The following CAP1 variants were observed in gnomAD, a reference collection of about 807,000 sequenced individuals.
CAP1 encodes cyclase associated actin cytoskeleton regulatory protein 1, also known as adenylyl cyclase-associated protein 1.
CAP1 carries 11 observed loss-of-function variants against 58.2 expected under a neutral mutation model. That is an observed-to-expected ratio of 0.19 (90% CI 0.12 to 0.31). CAP1 has a LOEUF of 0.31. Ranked by LOEUF, CAP1 falls within the 10% of genes least tolerant of loss-of-function variation. The probability of loss-of-function intolerance (pLI) is 1.00; values close to 1 mark genes in which losing one functional copy is unlikely to be tolerated. For synonymous variants in CAP1, 183 were observed against 213.8 expected (o/e 0.86, Z 1.26); for missense variants, 423 against 587.5 (o/e 0.72, Z 2.89).
At chr1:40,067,309 CA>C (rs1368658855) in intron 7 of CAP1, 1 of 441,548 alleles carries the variant, frequency 2.3e-6, no homozygotes, top group Non-Finnish European at 4.0e-6. Flanking sequence ...GAGCTGGAAT[CA>C]GGTGAGTTCA....
In CAP1 at chr1:40,070,446, T is replaced by C; in HGVS notation, c.1134T>C (p.Leu378=). Residue 378 remains leucine, a synonymous_variant, in exon 11 of 13, where the codon CTT becomes CTC. Transcript: ENST00000372805. Reference sequence around the variant, plus strand: ...TTCTCCTAGATAACTGTAAGAAACTTGGCCTGGTATTCGATGACGTGGTGG... The same window carrying C: ...TTCTCCTAGATAACTGTAAGAAACTCGGCCTGGTATTCGATGACGTGGTGG... ...NSITVDNCKK[L]GLVFDDVVGI... 5 of 1,614,054 alleles carry C rather than the reference T, an allele frequency of 3.1e-6. No individual in the cohort carries two copies. The highest frequency in any genetic ancestry group is 4.2e-6 in the Non-Finnish European group (5 of 1,179,908).
chr1:40,061,592 C>G lies in CAP1; in HGVS notation c.217-143C>G, dbSNP rs1646853585. On this transcript the variant is annotated intron_variant, in intron 3 of 12. Coordinates refer to ENST00000372805, the MANE Select transcript of CAP1 (RefSeq NM_006367.4). ...GTGTATGTAATTCTGCTCTCAGTCC[C>G]TGGAATCTGGAATACATGAGGAGGA... The G allele has an allele frequency of 4.2e-6, 3 of 719,808 alleles. No individual in the cohort carries two copies. The Admixed American group carries it at 6.0e-5, about 14-fold the overall frequency. 44.6% of individuals were successfully genotyped at this position (719,808 alleles called of 1,614,324 possible).
chr1:40,063,883 A>G (rs1354252514), intron 4 of CAP1, among the ~76,000 whole-genome samples: 2 of 152,118 alleles, frequency 1.3e-5, no homozygotes, highest in Non-Finnish European at 2.9e-5. Context: ...GATTCATGGG[A>G]AAAAAAGAGA....
chr1:40,070,641 G>A, intron 11 of CAP1, 129 bp downstream of exon 11: 5 of 966,456 alleles, frequency 5.2e-6, no homozygotes, highest in South Asian at 3.0e-5. Flanking sequence ...TGCTTTGGAC[G>A]TGGCAGAAGA....
chr1:40,061,013 C>T (rs542789741), intron 3 of CAP1, among the ~76,000 whole-genome samples: 1 of 152,216 alleles, frequency 6.6e-6, no homozygotes, highest in South Asian at 2.1e-4. Flanking sequence ...AGATTGCTTT[C>T]TTTGAATTTT....
At chr1:40,042,530 T>A (rs952418499) in intron 1 of CAP1, among the ~76,000 whole-genome samples, 1 of 152,158 alleles carries the variant, frequency 6.6e-6, no homozygotes, top group African/African-American at 2.4e-5. Flanking sequence ...GTGACTGGAA[T>A]TCTAGTAATG....
At position 40,069,411 on chromosome 1, in the gene CAP1, C is replaced by T. The variant is rs1647360662; in HGVS notation, c.809-279C>T. 2.0e-5 allele frequency among the ~76,000 whole-genome samples: 3 copies of T among 151,558 alleles called. 1 individual carries two copies. The South Asian group carries it at 6.3e-4, about 32-fold the overall frequency. ...TAAAAATTATATATTTGTGCACATA[C>T]ATTTGATATGTCTTTCTAGACATAG... On this transcript the variant is annotated intron_variant, in intron 8 of 12. Coordinates refer to ENST00000372805, the MANE Select transcript of CAP1 (RefSeq NM_006367.4).
Position 40,071,796 on chromosome 1 carries a change from A to G in CAP1, c.*263A>G. On this transcript the variant is annotated 3_prime_UTR_variant, in exon 13 of 13. Transcript: ENST00000372805. ...CCAGTCCATTCTTAAGGAACTGCCGACTAGGACTGATGATGCATTTTAGCT... is the reference window on the plus strand; with the variant it reads ...CCAGTCCATTCTTAAGGAACTGCCGGCTAGGACTGATGATGCATTTTAGCT... The G allele has an allele frequency of 1.9e-6, 1 of 518,334 alleles. No individual in the cohort carries two copies. The highest frequency in any genetic ancestry group is 3.1e-5 in the South Asian group (1 of 31,798). 32.1% of individuals were successfully genotyped at this position (518,334 alleles called of 1,614,324 possible).
intron 3 of CAP1, among the ~76,000 whole-genome samples, chr1:40,060,704 A>C: frequency 8.1e-6 from 1 of 124,104 alleles, no homozygotes; most frequent in Admixed American, 1.1e-4. Context: ...TATACATTCT[A>C]CCTCTATTTT....
At chr1:40,050,372 G>T in intron 1 of CAP1, among the ~76,000 whole-genome samples, 1 of 636 alleles carries the variant, frequency 1.6e-3, no homozygotes, top group African/African-American at 5.4e-3. Context: ...CCAATATTTG[G>T]TTAAACACCA....
At chr1:40,042,152 C>T (rs1373498650) in intron 1 of CAP1, among the ~76,000 whole-genome samples, 2 of 152,176 alleles carry the variant, frequency 1.3e-5, no homozygotes, top group African/African-American at 4.8e-5. Context: ...GCTGGGATTA[C>T]GGGCATGATC....
At chr1:40,047,060 C>T (rs1443088559) in intron 1 of CAP1, among the ~76,000 whole-genome samples, 2 of 138,298 alleles carry the variant, frequency 1.4e-5, no homozygotes, top group Non-Finnish European at 3.1e-5. Flanking sequence ...CATGAGCCAT[C>T]GCGCCCGGCC....
chr1:40,048,125 TCTC>T (rs1421519343), intron 1 of CAP1, among the ~76,000 whole-genome samples: 2 of 152,086 alleles, frequency 1.3e-5, no homozygotes, highest in African/African-American at 4.8e-5. Context: ...TTCAAGCAGT[TCTC>T]CTGCCTCAGC....
At chr1:40,043,176 G>A (rs569664922) in intron 1 of CAP1, among the ~76,000 whole-genome samples, 25 of 152,154 alleles carry the variant, frequency 1.6e-4, no homozygotes, top group Admixed American at 3.9e-4. Flanking sequence ...GTTAGATGTC[G>A]GCCAAGTTGT....
chr1:40,070,201 G>C lies in CAP1; in HGVS notation c.1036G>C (p.Glu346Gln). Residue 346 changes from glutamate (E) to glutamine (Q), a missense_variant, in exon 10 of 13, where the codon GAG becomes CAG. Glu to Gln is a conservative substitution (Grantham distance 29). Coordinates refer to ENST00000372805, the MANE Select transcript of CAP1 (RefSeq NM_006367.4). ...NVSNLVIEDT[E>Q]LKQVAYIYKC... The stretch of plus-strand genomic sequence containing the variant: ...TTCCAACCTGGTGATTGAGGACACA[G>C]AGCTGAAACAGGTGGCTTACATATA... The C allele has an allele frequency of 1.2e-6, 2 of 1,614,206 alleles. No individual in the cohort carries two copies. Among genetic ancestry groups the C allele is most frequent in the Non-Finnish European group, 1.7e-6 (2 of 1,180,020 alleles).
intron 3 of CAP1, 84 bp from the exon 4 acceptor site, chr1:40,061,651 A>T: frequency 9.1e-7 from 1 of 1,095,834 alleles, no homozygotes; most frequent in South Asian, 1.2e-5. Flanking sequence ...ATCAGAGTAC[A>T]TGGAAGTAGA....
At chr1:40,055,237 A>C (rs945180342) in intron 1 of CAP1, among the ~76,000 whole-genome samples, 1 of 152,172 alleles carries the variant, frequency 6.6e-6, no homozygotes, top group African/African-American at 2.4e-5. Flanking sequence ...CAAGAGATAA[A>C]ACAGGAGTGG....
At chr1:40,041,116 C>A (rs556502218) in intron 1 of CAP1, among the ~76,000 whole-genome samples, 1 of 152,334 alleles carries the variant, frequency 6.6e-6, no homozygotes, top group African/African-American at 2.4e-5. Context: ...TTCCCTGTCT[C>A]CTGTTGATGC....
chr1:40,051,376 T>C (rs1325231257), intron 1 of CAP1, among the ~76,000 whole-genome samples: 1 of 130,996 alleles, frequency 7.6e-6, no homozygotes, highest in Admixed American at 8.3e-5. Context: ...ATAGTGAGAC[T>C]CTGTCTCTAT....
Sources: gnomAD v4.1 joint callset for allele counts (sites outside exome capture counted in the v4.1 genomes callset) on GRCh38, gnomAD v4.1.1 for gene constraint, MANE v1.5 for transcripts, NCBI Gene and HGNC (gene_info 2026-07-23, HGNC 2026-07-21) for gene names.